The following DBP variants were observed in gnomAD, a reference collection of about 807,000 sequenced individuals.
The protein encoded by DBP is D site-binding protein.
A neutral mutation model predicts 21.4 loss-of-function variants in DBP; 12 were observed. That is an observed-to-expected ratio of 0.56 (90% CI 0.36 to 0.91). DBP has a LOEUF of 0.91. Ranked by LOEUF, DBP falls within the 40% of genes least tolerant of loss-of-function variation. The pLI is 0.01. For synonymous variants in DBP, 213 were observed against 224.9 expected, an observed-to-expected ratio of 0.95 and a Z score of 0.47; for missense variants, 423 against 473.4, an observed-to-expected ratio of 0.89 and a Z score of 0.99.
At chr19:48,636,557 G>T (rs1397279104) in intron 1 of DBP, among the ~76,000 whole-genome samples, 1 of 151,796 alleles carries the variant, frequency 6.6e-6, no homozygotes, top group Non-Finnish European at 1.5e-5. Context: ...GACCCCAGGG[G>T]TCCAGACTCC....
At chr19:48,635,184 G>A (rs1242555622) in intron 2 of DBP, 11 of 1,058,978 alleles carry the variant, frequency 1.0e-5, no homozygotes, top group South Asian at 2.5e-5. Context: ...AGGACCTAGG[G>A]GCTCCAGTCC....
chr19:48,632,552 A>G (rs1301210176), intron 3 of DBP: 1 of 152,156 alleles, frequency 6.6e-6, no homozygotes, highest in Non-Finnish European at 1.5e-5. Flanking sequence ...GGCGTGAGCC[A>G]ACGCGCCTGG....
chr19:48,637,372 A>C lies in DBP; in HGVS notation c.-378T>G, dbSNP rs1428574957. 5.0e-6 allele frequency: 1 copy of C among 200,894 alleles called. No individual in the cohort carries two copies. The highest frequency in any genetic ancestry group is 6.0e-5 in the Admixed American group (1 of 16,614). 12.4% of individuals were successfully genotyped at this position (200,894 alleles called of 1,614,324 possible). Reference sequence around the variant, plus strand: ...AAGGCGCTTTGCAATCTGCACCGAGAGGTGTGCGCGGAGGGGCGGAGGAGG... The same window carrying C: ...AAGGCGCTTTGCAATCTGCACCGAGCGGTGTGCGCGGAGGGGCGGAGGAGG... On this transcript the variant is annotated 5_prime_UTR_variant, in exon 1 of 4. Transcript: ENST00000222122.
In DBP at chr19:48,635,608, G is replaced by T; in HGVS notation, c.522C>A (p.Ala174=). 1 of 1,351,904 alleles carries T rather than the reference G, an allele frequency of 7.4e-7. No homozygotes were observed. 83.7% of individuals were successfully genotyped at this position (1,351,904 alleles called of 1,614,324 possible). Reference sequence around the variant, plus strand: ...CGCGGTGGCCGCTGGCGGTCCCGAGGGCAGCCCGGGCGGGGGCGTGCCCAG... The same window carrying T: ...CGCGGTGGCCGCTGGCGGTCCCGAGTGCAGCCCGGGCGGGGGCGTGCCCAG... The part of the protein sequence containing the change: ...SSPGHAPARA[A]LGTASGHRAG... Residue 174 remains alanine (A), a synonymous_variant, in exon 2 of 4, where the codon GCC becomes GCA. Coordinates refer to ENST00000222122, the MANE Select transcript of DBP (RefSeq NM_001352.5).
chr19:48,633,791 C>T, intron 2 of DBP, 136 bp from the exon 3 acceptor site: 1 of 721,234 alleles, frequency 1.4e-6, no homozygotes, highest in South Asian at 1.7e-5. Context: ...GGATTAATCT[C>T]CCTAATATAA....
At position 48,636,937 on chromosome 19, in the gene DBP, C is replaced by A; in HGVS notation, c.58G>T (p.Gly20Trp). Residue 20 changes from glycine to tryptophan, a missense_variant, in exon 1 of 4, where the codon GGG becomes TGG. Physicochemically the swap from Gly to Trp is radical, Grantham distance 184. Transcript: ENST00000222122. The stretch of plus-strand genomic sequence containing the variant: ...AGCGCTCCCCCGCCAGGGGGTGTCC[C>A]GGCCGGGCCGCCCAGCAGCAGAGGG... ...PAPLLLGGPA[G>W]TPPGGGALLG... The A allele has an allele frequency of 1.3e-6, 2 of 1,574,910 alleles. No individual in the cohort carries two copies. Among genetic ancestry groups the A allele is most frequent in the Non-Finnish European group, 1.7e-6 (2 of 1,161,558 alleles).
chr19:48,631,379 A>G, intron 3 of DBP: 1 of 318,578 alleles, frequency 3.1e-6, no homozygotes, highest in East Asian at 6.4e-5. Context: ...CAAGGCCTTC[A>G]TGGTCTGAGG....
At chr19:48,634,463 T>G (rs1009087817) in intron 2 of DBP, 8 of 153,220 alleles carry the variant, frequency 5.2e-5, no homozygotes, top group African/African-American at 1.9e-4. Context: ...GAGGAGAAGC[T>G]GCTCTAAGGT....
Position 48,635,951 on chromosome 19 carries a change from G to T in DBP, c.179C>A (p.Ala60Glu). ...KEKERKAALP[A>E]ATTPGPGLET... ...CAGGCCTGGCCCAGGGGTTGTGGCT[G>T]CAGGCAGGGCCGCCTTGCGCTCCTT... Residue 60 changes from alanine to glutamate, a missense_variant, in exon 2 of 4, where the codon GCA becomes GAA. By Grantham distance (107) the Ala-to-Glu change is moderately radical. This residue lies in a region of DBP where 283 missense variants were observed against 273.7 expected (regional missense o/e 1.03). Transcript: ENST00000222122. 1 of 1,525,776 alleles carries T rather than the reference G, an allele frequency of 6.6e-7. No individual in the cohort carries two copies. The highest frequency in any genetic ancestry group is 2.6e-5 in the East Asian group (1 of 38,066). 94.5% of individuals were successfully genotyped at this position (1,525,776 alleles called of 1,614,324 possible).
rs569307976 is a variant in DBP, at chr19:48,636,936, C to T, written c.59G>A (p.Gly20Glu). 1.9e-6 allele frequency: 3 copies of T among 1,574,966 alleles called. No individual in the cohort carries two copies. The South Asian group carries it at 3.5e-5, about 18-fold the overall frequency. The change falls in exon 1 of 4, where the codon GGG becomes GAG. Residue 20 changes from glycine to glutamate, a missense_variant. Gly to Glu is a moderately conservative substitution (Grantham distance 98). Around this residue, in one of 4 missense-constraint regions of DBP, gnomAD observed 283 missense variants for 273.7 expected, o/e 1.03. Transcript: ENST00000222122. ...CAGCGCTCCCCCGCCAGGGGGTGTC[C>T]CGGCCGGGCCGCCCAGCAGCAGAGG... ...PAPLLLGGPAGTPPGGGALLG... is the reference protein window; with the variant it reads ...PAPLLLGGPAETPPGGGALLG...
In DBP at chr19:48,637,181, G is replaced by C. The variant is rs2030843507; in HGVS notation, c.-187C>G. The C allele has an allele frequency of 1.9e-6, 1 of 517,576 alleles. No homozygotes were observed. The highest frequency in any genetic ancestry group is 2.0e-5 in the African/African-American group (1 of 49,840). The allele number at this position is 517,576 out of a possible 1,614,324, so 32.1% of individuals were successfully genotyped here. On this transcript the variant is annotated 5_prime_UTR_variant, in exon 1 of 4. Coordinates refer to ENST00000222122, the MANE Select transcript of DBP (RefSeq NM_001352.5). ...ACGGGGATTTGAGGTCCTCGGTGCA[G>C]AAACGTGCAACTCAAGAGGGTCCCG...
chr19:48,631,501 C>T (rs981195962), intron 3 of DBP: 10 of 160,884 alleles, frequency 6.2e-5, no homozygotes, highest in African/African-American at 1.4e-4. Context: ...ATAAAATCCT[C>T]GCAGAGCTGG....
rs763245265 is a variant in DBP, at chr19:48,636,895, G to C, written c.100C>G (p.Leu34Val). The change falls in exon 1 of 4, where the codon CTT becomes GTT. Residue 34 changes from leucine to valine, a missense_variant. Coordinates refer to ENST00000222122, the MANE Select transcript of DBP (RefSeq NM_001352.5). ...GGGALLGLRSLLQGTSKPKEP... is the reference protein window; with the variant it reads ...GGGALLGLRSVLQGTSKPKEP... ...TTGGGCTTGCTGGTCCCCTGCAGAAGGCTCCGCAACCCAAGCAGCGCTCCC... is the reference window on the plus strand; with the variant it reads ...TTGGGCTTGCTGGTCCCCTGCAGAACGCTCCGCAACCCAAGCAGCGCTCCC... The C allele has an allele frequency of 6.2e-7, 1 of 1,606,558 alleles. No homozygotes were observed. The highest frequency in any genetic ancestry group is 2.3e-5 in the East Asian group (1 of 44,278).
chr19:48,635,738 C>T lies in DBP; in HGVS notation c.392G>A (p.Ser131Asn), dbSNP rs1398599280. ...CGACGGGCCACCGGGGGGCGGCGGG[C>T]TGGGCGGGAGCCCGTGCTCCAGCAG... ...AFLLEHGLPP[S>N]PPPPGGPSPE... Residue 131 changes from serine (S) to asparagine (N), a missense_variant, in exon 2 of 4, where the codon AGC (serine) becomes AAC (asparagine). This residue lies in a region of DBP where 283 missense variants were observed against 273.7 expected (regional missense o/e 1.03). Coordinates refer to ENST00000222122, the MANE Select transcript of DBP (RefSeq NM_001352.5). The T allele has an allele frequency of 1.3e-5, 18 of 1,361,544 alleles. No homozygotes were observed. The highest frequency in any genetic ancestry group is 7.5e-6 in the Non-Finnish European group (8 of 1,064,186). The allele number at this position is 1,361,544 out of a possible 1,614,324, so 84.3% of individuals were successfully genotyped here.
chr19:48,630,521 T>G lies in DBP; in HGVS notation c.*316A>C. The stretch of plus-strand genomic sequence containing the variant: ...GGAGCTGCCCACGGGCTGCAGCCAG[T>G]ATGCCAGGGAGCTGCCCTCTTCTTC... On this transcript the variant is annotated 3_prime_UTR_variant, in exon 4 of 4. Transcript: ENST00000222122. The surrounding 1 kb of genome is among the most constrained non-coding windows in gnomAD (Gnocchi z 4.9). The G allele has an allele frequency of 1.3e-6, 2 of 1,533,944 alleles. No individual in the cohort carries two copies. The highest frequency in any genetic ancestry group is 1.7e-6 in the Non-Finnish European group (2 of 1,146,010).
At position 48,635,747 on chromosome 19, in the gene DBP, A is replaced by G. The variant is rs2147712627; in HGVS notation, c.383T>C (p.Leu128Pro). Residue 128 changes from leucine to proline, a missense_variant, in exon 2 of 4, where the codon CTC becomes CCC. By Grantham distance (98) the Leu-to-Pro change is moderately conservative. Around this residue, in one of 4 missense-constraint regions of DBP, gnomAD observed 283 missense variants for 273.7 expected, o/e 1.03. Transcript: ENST00000222122. ...DLDAFLLEHG[L>P]PPSPPPPGGP... ...ACCGGGGGGCGGCGGGCTGGGCGGGAGCCCGTGCTCCAGCAGGAAGGCGTC... is the reference window on the plus strand; with the variant it reads ...ACCGGGGGGCGGCGGGCTGGGCGGGGGCCCGTGCTCCAGCAGGAAGGCGTC... The G allele has an allele frequency of 7.3e-7, 1 of 1,378,440 alleles. No individual in the cohort carries two copies. The highest frequency in any genetic ancestry group is 1.7e-5 in the South Asian group (1 of 59,554). The allele number at this position is 1,378,440 out of a possible 1,614,324, so 85.4% of individuals were successfully genotyped here.
At chr19:48,634,569 G>A (rs1002078688) in intron 2 of DBP, 1 of 482,548 alleles carries the variant, frequency 2.1e-6, no homozygotes, top group Non-Finnish European at 2.7e-6. Flanking sequence ...GTCACGTGCT[G>A]ACGCCTGCTT....
In DBP at chr19:48,635,937, C is replaced by A. The variant is rs747873014; in HGVS notation, c.193G>T (p.Gly65Trp). 20 of 1,525,644 alleles carry A rather than the reference C, an allele frequency of 1.3e-5. No individual in the cohort carries two copies. Among genetic ancestry groups the A allele is most frequent in the Non-Finnish European group, 1.7e-5 (19 of 1,144,028 alleles). 94.5% of individuals were successfully genotyped at this position (1,525,644 alleles called of 1,614,324 possible). A position where few individuals can be genotyped will look rare whatever the true frequency, so the allele number is the denominator to read the frequency against. The change falls in exon 2 of 4, where the codon GGG becomes TGG. Residue 65 changes from glycine to tryptophan, a missense_variant. Physicochemically the swap from Gly to Trp is radical, Grantham distance 184. Around this residue, in one of 4 missense-constraint regions of DBP, gnomAD observed 283 missense variants for 273.7 expected, o/e 1.03. Transcript: ENST00000222122. Reference sequence around the variant, plus strand: ...GGGCCCGCAGTCTCCAGGCCTGGCCCAGGGGTTGTGGCTGCAGGCAGGGCC... The same window carrying A: ...GGGCCCGCAGTCTCCAGGCCTGGCCAAGGGGTTGTGGCTGCAGGCAGGGCC... ...KAALPAATTP[G>W]PGLETAGPAD...
chr19:48,630,513 G>A lies in DBP; in HGVS notation c.*324C>T. On this transcript the variant is annotated 3_prime_UTR_variant, in exon 4 of 4. Coordinates refer to ENST00000222122, the MANE Select transcript of DBP (RefSeq NM_001352.5). This position sits in a 1 kb window ranked among gnomAD's most constrained non-coding sequence, Gnocchi z 4.9. ...GACAGCCCGGAGCTGCCCACGGGCT[G>A]CAGCCAGTATGCCAGGGAGCTGCCC... 1.3e-6 allele frequency: 2 copies of A among 1,532,988 alleles called. No homozygotes were observed. The highest frequency in any genetic ancestry group is 1.7e-6 in the Non-Finnish European group (2 of 1,145,598). 95.0% of individuals were successfully genotyped at this position (1,532,988 alleles called of 1,614,324 possible).
Sources: gnomAD v4.1 joint callset for allele counts (sites outside exome capture counted in the v4.1 genomes callset) on GRCh38, gnomAD v4.1.1 for gene constraint, gnomAD v4.1.1 regional missense constraint, Gnocchi (gnomAD v3.1) non-coding constraint, MANE v1.5 for transcripts, NCBI Gene and HGNC (gene_info 2026-07-23, HGNC 2026-07-21) for gene names.